Variants in SORBS2 observed in about 807,000 individuals in gnomAD.
SORBS2 encodes the protein sorbin and SH3 domain containing 2.
In SORBS2, 46 loss-of-function variants were observed where a neutral mutation model predicts 97.7. The observed-to-expected ratio is 0.47, with a 90% CI of 0.37 to 0.60. The LOEUF (loss-of-function observed/expected upper bound fraction) is 0.60, where lower values mean the gene tolerates loss of function less well. Among genes scored for constraint, SORBS2 ranks in the 20% least tolerant of loss-of-function variants. SORBS2 has a pLI of 0.00. For missense variants in SORBS2, 1,316 were observed against 1,282.3 expected (o/e 1.03, Z -0.40); for synonymous variants, 476 against 473.4 (o/e 1.01, Z -0.07).
At chr4:185,713,487 C>T (rs1227178842) in intron 2 of SORBS2, among the ~76,000 whole-genome samples, 2 of 152,142 alleles carry the variant, frequency 1.3e-5, no homozygotes, top group Non-Finnish European at 2.9e-5. Context: ...GATTCAGAGG[C>T]AGGAAATTTA....
intron 12 of SORBS2, among the ~76,000 whole-genome samples, chr4:185,595,898 G>A (rs2096074232): frequency 6.6e-6 from 1 of 151,908 alleles, no homozygotes; most frequent in South Asian, 2.1e-4. Flanking sequence ...ATGCATTAAA[G>A]CCATATGATT....
intron 1 of SORBS2, among the ~76,000 whole-genome samples, chr4:185,879,334 A>G (rs2099235669): frequency 6.6e-6 from 1 of 151,810 alleles, no homozygotes; most frequent in Non-Finnish European, 1.5e-5. Flanking sequence ...CCATGTCCCT[A>G]CAAAGGACAT....
At chr4:185,790,337 C>T (rs375352925) in intron 1 of SORBS2, among the ~76,000 whole-genome samples, 1 of 152,058 alleles carries the variant, frequency 6.6e-6, no homozygotes. Flanking sequence ...GTCTATTAAC[C>T]CATACTGATT....
chr4:185,635,460 G>C (rs1337230470), intron 4 of SORBS2, 49 bp from the exon 16 acceptor site: 1 of 1,364,584 alleles, frequency 7.3e-7, no homozygotes, highest in Non-Finnish European at 1.0e-6. Context: ...TGGAATGGAG[G>C]AGAGTCAATG....
intron 4 of SORBS2, among the ~76,000 whole-genome samples, chr4:185,640,598 A>C (rs749389008): frequency 7.2e-5 from 11 of 152,134 alleles, no homozygotes; most frequent in Non-Finnish European, 1.5e-4. Flanking sequence ...CCAATTTGCT[A>C]TTTTCTGTTG....
At chr4:185,848,526 G>A (rs900721977) in intron 1 of SORBS2, among the ~76,000 whole-genome samples, 1 of 148,106 alleles carries the variant, frequency 6.8e-6, no homozygotes, top group African/African-American at 2.5e-5. Flanking sequence ...TTTTAAAAAA[G>A]TCTTAGAAAA....
chr4:185,910,657 C>T (rs2099254468), intron 1 of SORBS2, among the ~76,000 whole-genome samples: 2 of 152,060 alleles, frequency 1.3e-5, no homozygotes, highest in Non-Finnish European at 2.9e-5. Context: ...AACCTCCTCC[C>T]ACCTCAGCCT....
At chr4:185,650,566 C>T (rs2097296537) in intron 2 of SORBS2, among the ~76,000 whole-genome samples, 1 of 152,150 alleles carries the variant, frequency 6.6e-6, no homozygotes, top group African/African-American at 2.4e-5. Context: ...TGACACAAAC[C>T]TCAATATTAA....
At position 185,684,888 on chromosome 4, in the gene SORBS2, GA is replaced by G; in HGVS notation, c.-197-6067del. 7.0e-7 allele frequency: 1 copy of G among 1,429,854 alleles called. No individual in the cohort carries two copies. Among genetic ancestry groups the G allele is most frequent in the Non-Finnish European group, 9.6e-7 (1 of 1,036,474 alleles). The allele number at this position is 1,429,854 out of a possible 1,614,324, so 88.6% of individuals were successfully genotyped here. ...GATATAGCAGAGGCCAAGGCAACGGGAAAAGCACGTGCAATATCATGCGTTT... is the reference window on the plus strand; with the variant it reads ...GATATAGCAGAGGCCAAGGCAACGGGAAAGCACGTGCAATATCATGCGTTT... On this transcript the variant is annotated intron_variant, in intron 2 of 20. Coordinates refer to the SORBS2 transcript ENST00000284776. This position sits in a 1 kb window ranked among gnomAD's most constrained non-coding sequence, Gnocchi z 4.2.
intron 1 of SORBS2, among the ~76,000 whole-genome samples, chr4:185,938,750 C>A (rs2099270364): frequency 6.6e-6 from 1 of 152,040 alleles, no homozygotes; most frequent in Admixed American, 6.6e-5. Flanking sequence ...TCCCCCCCAG[C>A]AGCCTGGAGG....
At chr4:185,839,135 C>T (rs773913104) in intron 1 of SORBS2, among the ~76,000 whole-genome samples, 30 of 152,306 alleles carry the variant, frequency 2.0e-4, no homozygotes, top group Non-Finnish European at 3.7e-4. Flanking sequence ...GATCCAGTAA[C>T]GGTGGGACTT....
At chr4:185,720,346 A>T (rs1015355437) in intron 2 of SORBS2, among the ~76,000 whole-genome samples, 12 of 137,452 alleles carry the variant, frequency 8.7e-5, no homozygotes, top group African/African-American at 2.9e-4. Flanking sequence ...TCCATTTTAT[A>T]TTTATGTATA....
At chr4:185,685,176 T>C (rs998541723) in intron 2 of SORBS2, among the ~76,000 whole-genome samples, 1 of 152,238 alleles carries the variant, frequency 6.6e-6, no homozygotes, top group African/African-American at 2.4e-5. Context: ...AAATTCAATT[T>C]ATACTAAATC....
intron 1 of SORBS2, among the ~76,000 whole-genome samples, chr4:185,893,776 G>A (rs2099243656): frequency 6.6e-6 from 1 of 152,176 alleles, no homozygotes. Context: ...GAGAGTGAAG[G>A]CAGGTAAGCC....
intron 2 of SORBS2, among the ~76,000 whole-genome samples, chr4:185,683,147 C>T (rs949078387): frequency 3.3e-5 from 5 of 151,984 alleles, no homozygotes; most frequent in African/African-American, 1.2e-4. Flanking sequence ...AAATCATATG[C>T]CTAGTGATAG....
At chr4:185,605,531 G>A (rs972089688) in intron 12 of SORBS2, among the ~76,000 whole-genome samples, 2 of 152,066 alleles carry the variant, frequency 1.3e-5, no homozygotes, top group Non-Finnish European at 2.9e-5. Context: ...TGATCCACCA[G>A]CCTTGGGCTC....
intron 1 of SORBS2, among the ~76,000 whole-genome samples, chr4:185,876,159 G>A (rs2099233538): frequency 2.0e-5 from 3 of 152,102 alleles, no homozygotes; most frequent in Admixed American, 1.3e-4. Flanking sequence ...CCAGGCTGGA[G>A]TGCAGTGGCA....
chr4:185,892,473 G>T (rs1579350479), intron 1 of SORBS2, among the ~76,000 whole-genome samples: 1 of 152,328 alleles, frequency 6.6e-6, no homozygotes, highest in East Asian at 1.9e-4. Context: ...ATGCACCCAT[G>T]TTCACAGCAA....
At chr4:185,830,431 A>G (rs1018538551) in intron 1 of SORBS2, among the ~76,000 whole-genome samples, 1 of 152,216 alleles carries the variant, frequency 6.6e-6, no homozygotes, top group African/African-American at 2.4e-5. Context: ...TCTGATTTTG[A>G]GTCTGCAAAT....
Sources: allele counts gnomAD v4.1 joint callset (sites outside exome capture counted in the v4.1 genomes callset), GRCh38; gene constraint gnomAD v4.1.1; non-coding constraint Gnocchi (gnomAD v3.1); transcripts MANE v1.5; gene names NCBI Gene and HGNC (gene_info 2026-07-23, HGNC 2026-07-21).